PNPLA3: variants seen among roughly 807,000 people sequenced by gnomAD.
The protein encoded by PNPLA3 is 1-acylglycerol-3-phosphate O-acyltransferase PNPLA3.
A neutral mutation model predicts 43.1 loss-of-function variants in PNPLA3; 42 were observed. That is an observed-to-expected ratio of 0.97 (90% CI 0.76 to 1.26). The LOEUF (loss-of-function observed/expected upper bound fraction) is 1.26, where lower values mean the gene tolerates loss of function less well. Ranked by LOEUF, PNPLA3 falls within the 50% of genes most tolerant of loss-of-function variation. PNPLA3 has a pLI of 0.00. For missense variants in PNPLA3, 647 were observed against 621.4 expected (o/e 1.04, Z -0.44); for synonymous variants, 272 against 253.6 (o/e 1.07, Z -0.69).
chr22:43,946,302 T>G lies in PNPLA3; in HGVS notation c.1366T>G (p.Phe456Val), dbSNP rs778463214. 6.2e-7 allele frequency: 1 copy of G among 1,610,886 alleles called. No homozygotes were observed. Among genetic ancestry groups the G allele is most frequent in the African/African-American group, 1.4e-5 (1 of 72,074 alleles). Residue 456 changes from phenylalanine to valine, a missense_variant, in exon 9 of 9, where the codon TTC (phenylalanine) becomes GTC (valine). Transcript: ENST00000216180. ...PRSILRSSLN[F>V]FLGNKVPAGA... ...GTCCATCCTCAGGTCCAGCCTGAAC[T>G]TCTTCTTGGGCAATAAAGTACCTGC...
Position 43,946,756 on chromosome 22 carries a change from T to G in PNPLA3, c.*374T>G. On this transcript the variant is annotated 3_prime_UTR_variant, in exon 9 of 9. Coordinates refer to ENST00000216180, the MANE Select transcript of PNPLA3 (RefSeq NM_025225.3). ...TTGTGATGGGGGGTAGGCTGGCCCA[T>G]GTGTGATCTTGTGGGGTGGAGGGAA... The G allele has an allele frequency of 1.9e-6, 1 of 527,740 alleles. No homozygotes were observed. The allele number at this position is 527,740 out of a possible 1,614,324, so 32.7% of individuals were successfully genotyped here.
intron 4 of PNPLA3, 127 bp downstream of exon 4, chr22:43,933,214 A>T (rs2049973243): frequency 1.1e-6 from 1 of 897,082 alleles, no homozygotes; most frequent in Non-Finnish European, 1.7e-6. Flanking sequence ...TGGTTAACGG[A>T]AATAAAAGGC....
chr22:43,928,181 G>A lies in PNPLA3; in HGVS notation c.421-643G>A, dbSNP rs75611327. ...TCTGTGCAAGACAGCAGCCTGGCGC[G>A]TCTAACCTGCAGCCAGTTGCATCCT... On this transcript the variant is annotated intron_variant, in intron 2 of 8. Transcript: ENST00000216180. Among the ~76,000 whole-genome samples, 1,264 of 152,340 alleles carry A rather than the reference G, an allele frequency of 8.3e-3. 15 individuals carry two copies. The highest frequency in any genetic ancestry group is 0.029 in the African/African-American group (1,198 of 41,586).
In PNPLA3 at chr22:43,934,590, C is replaced by A; in HGVS notation, c.697-16C>A. On this transcript the variant is annotated splice_polypyrimidine_tract_variant and intron_variant, in intron 4 of 8. Transcript: ENST00000216180. ...GTGTCTCCCTGCTGTAGTCCCCTTG[C>A]TTGCTTTGCTCACAGGTGCTGGGAG... 1 of 1,611,144 alleles carries A rather than the reference C, an allele frequency of 6.2e-7. No individual in the cohort carries two copies. The highest frequency in any genetic ancestry group is 8.5e-7 in the Non-Finnish European group (1 of 1,177,330).
intron 3 of PNPLA3, among the ~76,000 whole-genome samples, chr22:43,932,347 G>T (rs1216564083): frequency 6.6e-6 from 1 of 152,140 alleles, no homozygotes; most frequent in South Asian, 2.1e-4. Flanking sequence ...TCCAGGTGTT[G>T]GTTCTAATTG....
intron 7 of PNPLA3, among the ~76,000 whole-genome samples, chr22:43,941,257 G>A (rs2050029037): frequency 7.0e-6 from 1 of 143,868 alleles, no homozygotes; most frequent in Non-Finnish European, 1.5e-5. Flanking sequence ...GCAGTTAGGA[G>A]AACACAGTGT....
chr22:43,923,879 C>T lies in PNPLA3; in HGVS notation c.-33C>T. On this transcript the variant is annotated 5_prime_UTR_variant, in exon 1 of 9. Transcript: ENST00000216180. Reference sequence around the variant, plus strand: ...GCCGATTCCCGATCCCGACCCAGATCCTAACCCGCGCCCCCGCCCCGCCGC... The same window carrying T: ...GCCGATTCCCGATCCCGACCCAGATTCTAACCCGCGCCCCCGCCCCGCCGC... 6.8e-7 allele frequency: 1 copy of T among 1,478,036 alleles called. No homozygotes were observed. The highest frequency in any genetic ancestry group is 8.9e-7 in the Non-Finnish European group (1 of 1,120,202). 91.6% of individuals were successfully genotyped at this position (1,478,036 alleles called of 1,614,324 possible).
chr22:43,937,353 G>A (rs971069044), intron 6 of PNPLA3, 81 bp downstream of exon 6: 3 of 1,308,102 alleles, frequency 2.3e-6, no homozygotes, highest in Non-Finnish European at 3.2e-6. Flanking sequence ...ACTGCCACAT[G>A]GGAGCGATAG....
At chr22:43,931,475 A>G (rs2049961379) in intron 3 of PNPLA3, among the ~76,000 whole-genome samples, 1 of 152,152 alleles carries the variant, frequency 6.6e-6, no homozygotes, top group Non-Finnish European at 1.5e-5. Flanking sequence ...TCTTCACTCC[A>G]GATTCCTAGC....
Position 43,926,927 on chromosome 22 carries a change from G to A in PNPLA3, c.188-8G>A, listed in dbSNP as rs1164420840. On this transcript the variant is annotated splice_polypyrimidine_tract_variant and splice_region_variant and intron_variant, in intron 1 of 8. Coordinates refer to ENST00000216180, the MANE Select transcript of PNPLA3 (RefSeq NM_025225.3). ...ACATTCTTTCATGTATTTGTCTCCTGTCCCCAGAGCAGACTCTGCAGGTCC... is the reference window on the plus strand; with the variant it reads ...ACATTCTTTCATGTATTTGTCTCCTATCCCCAGAGCAGACTCTGCAGGTCC... The A allele has an allele frequency of 6.2e-7, 1 of 1,612,596 alleles. No homozygotes were observed. Among genetic ancestry groups the A allele is most frequent in the African/African-American group, 1.3e-5 (1 of 75,040 alleles).
chr22:43,924,236 C>A, intron 1 of PNPLA3, 138 bp downstream of exon 1: 1 of 1,041,936 alleles, frequency 9.6e-7, no homozygotes, highest in Non-Finnish European at 1.3e-6. Flanking sequence ...ATCCCGAGGG[C>A]CCCCTCCGAG....
At position 43,944,691 on chromosome 22, in the gene PNPLA3, A is replaced by G; in HGVS notation, c.1113A>G (p.Arg371=). ...TGTGTACTTGGTCTCATCTCTGCAG[A>G]CTGGTGACATGGCTTCCAGATATGC... ...PVESAIAIVQ[R]LVTWLPDMPD... Residue 371 remains arginine, a splice_region_variant and synonymous_variant, in exon 8 of 9, where the codon AGA becomes AGG. Transcript: ENST00000216180. 6.2e-7 allele frequency: 1 copy of G among 1,614,032 alleles called. No homozygotes were observed. Among genetic ancestry groups the G allele is most frequent in the Non-Finnish European group, 8.5e-7 (1 of 1,179,914 alleles).
At chr22:43,943,435 C>A (rs1350977929) in intron 7 of PNPLA3, among the ~76,000 whole-genome samples, 1 of 152,120 alleles carries the variant, frequency 6.6e-6, no homozygotes, top group Non-Finnish European at 1.5e-5. Flanking sequence ...TTCCTAGAAA[C>A]CCTTTCCCTG....
At chr22:43,931,312 A>G (rs36055245) in intron 3 of PNPLA3, among the ~76,000 whole-genome samples, 28,114 of 152,112 alleles carry the variant, frequency 0.18, 3,174 homozygotes, top group East Asian at 0.39. Flanking sequence ...TACATACCGC[A>G]TGCTAATCAA....
At chr22:43,935,403 T>C (rs946928826) in intron 5 of PNPLA3, among the ~76,000 whole-genome samples, 1 of 152,004 alleles carries the variant, frequency 6.6e-6, no homozygotes. Flanking sequence ...AGTGAGCAGA[T>C]AAGTAAGCAG....
intron 4 of PNPLA3, among the ~76,000 whole-genome samples, chr22:43,934,118 A>G (rs1281250770): frequency 1.3e-5 from 2 of 151,878 alleles, no homozygotes; most frequent in African/African-American, 4.8e-5. Flanking sequence ...GGAGTTTGAG[A>G]CCAGCCTGGC....
At chr22:43,926,901 T>C (rs779114412) in intron 1 of PNPLA3, 34 bp from the exon 2 acceptor site, 2 of 1,579,076 alleles carry the variant, frequency 1.3e-6, no homozygotes, top group Non-Finnish European at 1.7e-6. Context: ...CCCAGTGTGG[T>C]ACATTCTTTC....
Position 43,940,098 on chromosome 22 carries a change from T to C in PNPLA3, c.1085T>C (p.Val362Ala). ...SYVMLPCTLP[V>A]ESAIAIVQRL... Reference sequence around the variant, plus strand: ...GTAATGCTGCCCTGTACCCTGCCTGTGGAATCTGCCATTGCGATTGTCCAG... The same window carrying C: ...GTAATGCTGCCCTGTACCCTGCCTGCGGAATCTGCCATTGCGATTGTCCAG... Residue 362 changes from valine (V) to alanine (A), a missense_variant, in exon 7 of 9, where the codon GTG (valine) becomes GCG (alanine). Coordinates refer to ENST00000216180, the MANE Select transcript of PNPLA3 (RefSeq NM_025225.3). The C allele has an allele frequency of 2.5e-6, 4 of 1,614,172 alleles. No homozygotes were observed. Among genetic ancestry groups the C allele is most frequent in the Non-Finnish European group, 3.4e-6 (4 of 1,180,026 alleles).
chr22:43,926,825 TG>T, intron 1 of PNPLA3, 109 bp from the exon 2 acceptor site: 1 of 855,792 alleles, frequency 1.2e-6, no homozygotes, highest in East Asian at 2.6e-5. Flanking sequence ...TAGACAGTAC[TG>T]GTCTAGAGAA....
Sources: allele counts gnomAD v4.1 joint callset (sites outside exome capture counted in the v4.1 genomes callset), GRCh38; gene constraint gnomAD v4.1.1; transcripts MANE v1.5; gene names NCBI Gene and HGNC (gene_info 2026-07-23, HGNC 2026-07-21).